Variants in ATRN observed in about 807,000 individuals in gnomAD.
ATRN encodes the protein attractin-2.
Under a neutral mutation model 178.7 loss-of-function variants are expected in ATRN, and 54 were observed. That is an observed-to-expected ratio of 0.30 (90% CI 0.24 to 0.38). The LOEUF (loss-of-function observed/expected upper bound fraction) is 0.38, where lower values mean the gene tolerates loss of function less well. Ranked by LOEUF, ATRN falls within the 10% of genes least tolerant of loss-of-function variation. The pLI is 1.00. For synonymous variants in ATRN, 636 were observed against 663.0 expected (o/e 0.96, Z 0.63); for missense variants, 1,443 against 1,815.1 (o/e 0.79, Z 3.73).
intron 15 of ATRN, among the ~76,000 whole-genome samples, chr20:3,579,600 G>A (rs193154163): frequency 1.2e-3 from 177 of 152,264 alleles, no homozygotes; most frequent in African/African-American, 4.0e-3. Flanking sequence ...AGCCCAGAAA[G>A]GCTCAAGTTC....
chr20:3,532,148 A>AAC (rs2085462267), intron 1 of ATRN, among the ~76,000 whole-genome samples: 1 of 152,114 alleles, frequency 6.6e-6, no homozygotes, highest in Non-Finnish European at 1.5e-5. Context: ...AAAAACAAAA[A>AAC]ACACAAATAT....
intron 11 of ATRN, among the ~76,000 whole-genome samples, chr20:3,571,678 A>G (rs2086127460): frequency 6.6e-6 from 1 of 151,376 alleles, no homozygotes; most frequent in Non-Finnish European, 1.5e-5. Flanking sequence ...GGTCATTTGC[A>G]TTTTTTTCTC....
chr20:3,533,506 G>A (rs1242328630), intron 1 of ATRN, among the ~76,000 whole-genome samples: 4 of 152,182 alleles, frequency 2.6e-5, no homozygotes, highest in African/African-American at 9.7e-5. Context: ...GAGGGAGAGA[G>A]GGTGTACCCC....
chr20:3,553,954 T>G (rs2085825044), intron 6 of ATRN, among the ~76,000 whole-genome samples: 1 of 152,230 alleles, frequency 6.6e-6, no homozygotes. Context: ...CTTTGCCAAG[T>G]TCTTCAAGGT....
At chr20:3,585,189 T>C (rs1414406693) in intron 18 of ATRN, among the ~76,000 whole-genome samples, 1 of 152,150 alleles carries the variant, frequency 6.6e-6, no homozygotes, top group African/African-American at 2.4e-5. Context: ...GTGCAAAGAC[T>C]CCTCAGAGAT....
chr20:3,589,198 C>T (rs1277082279), intron 18 of ATRN, among the ~76,000 whole-genome samples: 1 of 151,906 alleles, frequency 6.6e-6, no homozygotes, highest in African/African-American at 2.4e-5. Flanking sequence ...CAGGGTTTTA[C>T]CATGTAGACC....
chr20:3,525,905 A>T (rs1007900227), intron 1 of ATRN, among the ~76,000 whole-genome samples: 4 of 152,192 alleles, frequency 2.6e-5, no homozygotes, highest in Non-Finnish European at 5.9e-5. Context: ...TTATCTCAAG[A>T]TAATAAGAGC....
chr20:3,591,439 A>G, intron 19 of ATRN, 133 bp downstream of exon 19: 1 of 1,150,386 alleles, frequency 8.7e-7, no homozygotes, highest in Non-Finnish European at 1.2e-6. Context: ...CATACTGGTC[A>G]GAAGCTCAGC....
At position 3,563,203 on chromosome 20, in the gene ATRN, C is replaced by G; in HGVS notation, c.1632-6C>G. 2 of 1,603,836 alleles carry G rather than the reference C, an allele frequency of 1.2e-6. No individual in the cohort carries two copies. The highest frequency in any genetic ancestry group is 8.5e-7 in the Non-Finnish European group (1 of 1,173,760). The stretch of plus-strand genomic sequence containing the variant: ...TGTATTTATTATTTCTAAATAAACT[C>G]AAAAGGACCATTCTTAAGGACAGCC... On this transcript the variant is annotated splice_polypyrimidine_tract_variant and splice_region_variant and intron_variant, in intron 9 of 28. Transcript: ENST00000262919.
chr20:3,555,041 C>T (rs2085852290), intron 6 of ATRN, among the ~76,000 whole-genome samples: 1 of 134,276 alleles, frequency 7.4e-6, no homozygotes, highest in South Asian at 2.4e-4. Flanking sequence ...CTCGCTGTCG[C>T]CCAGGCTGGA....
intron 27 of ATRN, 117 bp downstream of exon 27, chr20:3,639,052 T>C (rs2087046961): frequency 2.2e-5 from 16 of 713,906 alleles, no homozygotes; most frequent in Non-Finnish European, 3.6e-5. Flanking sequence ...TTCCTCTCTT[T>C]CTTTTTAACA....
At position 3,497,458 on chromosome 20, in the gene ATRN, ATTCTT is replaced by A. The variant is rs2084896625; in HGVS notation, c.410+25948_410+25952del. ...CTGGATATGAAATTCTGGATTGAAA[ATTCTT>A]TTCTTTAAGATTGTTGAATATTGGC... On this transcript the variant is annotated intron_variant, in intron 1 of 28. Coordinates refer to ENST00000262919, the MANE Select transcript of ATRN (RefSeq NM_139321.3). Among the ~76,000 whole-genome samples the A allele has an allele frequency of 6.6e-5, 10 of 152,158 alleles. No homozygotes were observed. The South Asian group carries it at 1.9e-3, about 28-fold the overall frequency.
intron 1 of ATRN, among the ~76,000 whole-genome samples, chr20:3,495,063 A>G (rs1462201546): frequency 6.6e-6 from 1 of 152,196 alleles, no homozygotes; most frequent in Non-Finnish European, 1.5e-5. Context: ...TTGTAGCTTT[A>G]TTATTATTTT....
intron 18 of ATRN, among the ~76,000 whole-genome samples, chr20:3,588,702 A>C (rs1425252060): frequency 6.6e-6 from 1 of 152,156 alleles, no homozygotes; most frequent in African/African-American, 2.4e-5. Context: ...CTCCTAGAGT[A>C]AGTTGGAACG....
At chr20:3,550,328 T>C (rs978610652) in intron 6 of ATRN, among the ~76,000 whole-genome samples, 3 of 152,182 alleles carry the variant, frequency 2.0e-5, no homozygotes, top group African/African-American at 7.2e-5. Context: ...GTTCCATTGG[T>C]CTATGTATCT....
intron 24 of ATRN, among the ~76,000 whole-genome samples, chr20:3,609,366 T>C (rs1324697768): frequency 1.3e-5 from 2 of 152,216 alleles, no homozygotes; most frequent in Non-Finnish European, 2.9e-5. Flanking sequence ...ATGATTCTGA[T>C]TTTTGTGTGT....
chr20:3,643,446 G>A (rs2595583), intron 27 of ATRN, among the ~76,000 whole-genome samples: 64,080 of 151,512 alleles, frequency 0.42, 14,171 homozygotes, highest in African/African-American at 0.54. Context: ...TGGGAGGATC[G>A]CTTGAGCCCA....
rs1427616928 is a variant in ATRN at position 3,554,112 on chromosome 20, TTGAC to T, written c.1112+4779_1112+4782del. Among the ~76,000 whole-genome samples the T allele has an allele frequency of 6.0e-3, 910 of 152,244 alleles. 13 individuals carry two copies. Among genetic ancestry groups the T allele is most frequent in the African/African-American group, 0.02 (845 of 41,556 alleles). ...TATTAATATCACCTATTACTTTTTT[TTGAC>T]TGACATACTTCATGAGCCACATTGT... is the stretch of plus-strand genomic sequence containing the variant. On this transcript the variant is annotated intron_variant, in intron 6 of 28. Coordinates refer to ENST00000262919, the MANE Select transcript of ATRN (RefSeq NM_139321.3).
chr20:3,549,277 A>G lies in ATRN; in HGVS notation c.1051A>G (p.Asn351Asp). ...RASHKAVVNGNIMWVVGGYMF... is the reference protein window; with the variant it reads ...RASHKAVVNGDIMWVVGGYMF... Reference sequence around the variant, plus strand: ...ATCTCATAAAGCTGTGGTCAATGGAAACATTATGTGGGTTGTTGGAGGATA... The same window carrying G: ...ATCTCATAAAGCTGTGGTCAATGGAGACATTATGTGGGTTGTTGGAGGATA... The change falls in exon 6 of 29, where the codon AAC becomes GAC. Residue 351 changes from asparagine (N) to aspartate (D), a missense_variant. Transcript: ENST00000262919. 6.2e-7 allele frequency: 1 copy of G among 1,610,172 alleles called. No individual in the cohort carries two copies. The highest frequency in any genetic ancestry group is 8.5e-7 in the Non-Finnish European group (1 of 1,178,680).
Sources: gnomAD v4.1 joint callset for allele counts (sites outside exome capture counted in the v4.1 genomes callset) on GRCh38, gnomAD v4.1.1 for gene constraint, MANE v1.5 for transcripts, NCBI Gene and HGNC (gene_info 2026-07-23, HGNC 2026-07-21) for gene names.